The following NCF4 variants were observed in gnomAD, a reference collection of about 807,000 sequenced individuals.
NCF4 encodes neutrophil cytosolic factor 4.
NCF4 carries 30 observed loss-of-function variants against 41.7 expected under a neutral mutation model. The ratio of observed to expected loss-of-function variants is 0.72; its 90% CI spans 0.54 to 0.97. The LOEUF is 0.97. NCF4 is among the 50% of genes least tolerant of loss of function. The pLI is 0.00. For missense variants in NCF4, 432 were observed against 460.9 expected, an observed-to-expected ratio of 0.94 and a Z score of 0.57; for synonymous variants, 195 against 175.8, an observed-to-expected ratio of 1.11 and a Z score of -0.87.
intron 6 of NCF4, 35 bp from the exon 7 acceptor site, chr22:36,872,292 C>G: frequency 6.2e-6 from 9 of 1,453,842 alleles, no homozygotes; most frequent in South Asian, 1.1e-5. Flanking sequence ...AGTGAGTGTT[C>G]TCTCCTTCCC....
chr22:36,877,710 G>T lies in NCF4; in HGVS notation c.907G>T (p.Val303Leu), dbSNP rs201552121. 3 of 1,614,138 alleles carry T rather than the reference G, an allele frequency of 1.9e-6. No individual in the cohort carries two copies. The highest frequency in any genetic ancestry group is 2.5e-6 in the Non-Finnish European group (3 of 1,180,024). The change falls in exon 10 of 10, where the codon GTA becomes TTA. Residue 303 changes from valine (V) to leucine (L), a missense_variant. By Grantham distance (32) the Val-to-Leu change is conservative. Coordinates refer to ENST00000248899, the MANE Select transcript of NCF4 (RefSeq NM_000631.5). ...DLVRLLSDED[V>L]ALMVRQARGL... is the part of the protein sequence containing the mutation. The stretch of plus-strand genomic sequence containing the variant: ...GGTTCGGCTGCTGTCGGATGAGGAC[G>T]TAGCGCTCATGGTGCGGCAGGCTCG...
chr22:36,873,375 G>T (rs1275390498), intron 7 of NCF4, among the ~76,000 whole-genome samples: 1 of 151,642 alleles, frequency 6.6e-6, no homozygotes, highest in Non-Finnish European at 1.5e-5. Context: ...TTGGAGGTGA[G>T]GATGGAGGTG....
At chr22:36,861,792 T>C (rs1316724644) in intron 1 of NCF4, among the ~76,000 whole-genome samples, 1 of 152,236 alleles carries the variant, frequency 6.6e-6, no homozygotes, top group East Asian at 1.9e-4. Context: ...GTGTCCGTTT[T>C]GATCGCTGCT....
In NCF4 at chr22:36,865,718, G is replaced by A. The variant is rs938535975; in HGVS notation, c.271+646G>A. On this transcript the variant is annotated intron_variant, in intron 3 of 9. Transcript: ENST00000248899. The surrounding 1 kb of genome is among the most constrained non-coding windows in gnomAD (Gnocchi z 4.3). ...GTTACACGGGGGTGGTCTCAGCGGC[G>A]CCCTTCGTGCCCTGCAAGTTAGAGA... Among the ~76,000 whole-genome samples, 3 of 152,126 alleles carry A rather than the reference G, an allele frequency of 2.0e-5. No homozygotes were observed. Among genetic ancestry groups the A allele is most frequent in the Non-Finnish European group, 1.5e-5 (1 of 68,024 alleles).
intron 9 of NCF4, among the ~76,000 whole-genome samples, chr22:36,876,500 A>G (rs1341169428): frequency 6.6e-6 from 1 of 152,214 alleles, no homozygotes; most frequent in African/African-American, 2.4e-5. Context: ...AACTCATTAT[A>G]TATTAAAAAA....
chr22:36,870,074 G>A (rs778256539), intron 4 of NCF4: 44 of 377,224 alleles, frequency 1.2e-4, no homozygotes, highest in Non-Finnish European at 1.8e-4. Context: ...TGGAGCAAGG[G>A]CGCGCATGTG....
In NCF4 at chr22:36,877,539, GCTTCAGGACATAAAA is replaced by G. The variant is rs1316547005; in HGVS notation, c.825-87_825-73del. 3 of 1,374,100 alleles carry G rather than the reference GCTTCAGGACATAAAA, an allele frequency of 2.2e-6. No homozygotes were observed. In the East Asian group the frequency reaches 6.9e-5, roughly 31 times the overall value. 85.1% of individuals were successfully genotyped at this position (1,374,100 alleles called of 1,614,324 possible). The stretch of plus-strand genomic sequence containing the variant: ...AGGCTCTGACTTTTTCTTACTCCTG[GCTTCAGGACATAAAA>G]CCCTTTTCACCCCCTCTCCCTACCC... On this transcript the variant is annotated intron_variant, in intron 9 of 9. Transcript: ENST00000248899.
rs1447995490 is a variant in NCF4, at chr22:36,864,046, G to A, written c.34G>A (p.Asp12Asn). The stretch of plus-strand genomic sequence containing the variant: ...TCTCTTTTCCCCTCCTTCGCACAGT[G>A]ACTTTGAACAGCTTCCGGATGATGT... ...AVAQQLRAES[D>N]FEQLPDDVAI... is the part of the protein sequence containing the mutation. The change falls in exon 2 of 10, where the codon GAC becomes AAC. Residue 12 changes from aspartate (D) to asparagine (N), a missense_variant and splice_region_variant. Coordinates refer to ENST00000248899, the MANE Select transcript of NCF4 (RefSeq NM_000631.5). The A allele has an allele frequency of 6.2e-7, 1 of 1,613,936 alleles. No individual in the cohort carries two copies. Among genetic ancestry groups the A allele is most frequent in the East Asian group, 2.2e-5 (1 of 44,898 alleles).
chr22:36,863,763 T>G (rs927758309), intron 1 of NCF4, among the ~76,000 whole-genome samples: 3 of 151,478 alleles, frequency 2.0e-5, no homozygotes, highest in Non-Finnish European at 4.4e-5. Flanking sequence ...TATTGCTATA[T>G]GGTCACCAGC....
At position 36,865,039 on chromosome 22, in the gene NCF4, A is replaced by G. The variant is rs373447489; in HGVS notation, c.238A>G (p.Ser80Gly). The G allele has an allele frequency of 1.7e-5, 28 of 1,613,160 alleles. No individual in the cohort carries two copies. The African/African-American group carries it at 3.2e-4, about 18-fold the overall frequency. The part of the protein sequence containing the change: ...EERFGPDSKS[S>G]ALACTLPTLP... ...GCGCTTCGGGCCAGACAGCAAGAGC[A>G]GTGCCCTGGCCTGTACCCTGCCCAC... Residue 80 changes from serine (S) to glycine (G), a missense_variant, in exon 3 of 10, where the codon AGT (serine) becomes GGT (glycine). Transcript: ENST00000248899. This position sits in a 1 kb window ranked among gnomAD's most constrained non-coding sequence, Gnocchi z 4.3.
At chr22:36,876,289 G>A (rs1940192953) in intron 9 of NCF4, among the ~76,000 whole-genome samples, 195 bp downstream of exon 9, 1 of 152,198 alleles carries the variant, frequency 6.6e-6, no homozygotes, top group African/African-American at 2.4e-5. Context: ...AGAGAGGTTA[G>A]GGGAACTGGT....
At chr22:36,866,419 C>T (rs1939927772) in intron 3 of NCF4, among the ~76,000 whole-genome samples, 1 of 152,166 alleles carries the variant, frequency 6.6e-6, no homozygotes, top group Non-Finnish European at 1.5e-5. Flanking sequence ...TTACTAGAGA[C>T]TCCTTCAGCT....
At chr22:36,862,055 G>C (rs1175490906) in intron 1 of NCF4, among the ~76,000 whole-genome samples, 1 of 152,206 alleles carries the variant, frequency 6.6e-6, no homozygotes, top group Admixed American at 6.5e-5. Flanking sequence ...CCAGCATCTA[G>C]CCTCGTCGCT....
intron 1 of NCF4, 70 bp from the exon 2 acceptor site, chr22:36,863,975 C>A: frequency 2.1e-6 from 3 of 1,433,148 alleles, no homozygotes; most frequent in Non-Finnish European, 3.0e-6. Flanking sequence ...TGCACTCTAC[C>A]TCATACCCGG....
chr22:36,874,004 T>C (rs1302108921), intron 7 of NCF4, among the ~76,000 whole-genome samples: 1 of 152,234 alleles, frequency 6.6e-6, no homozygotes, highest in East Asian at 1.9e-4. Flanking sequence ...CTTTGGAAAC[T>C]TGCTCAAACT....
intron 4 of NCF4, 86 bp downstream of exon 4, chr22:36,867,548 T>A: frequency 7.0e-7 from 1 of 1,435,150 alleles, no homozygotes; most frequent in South Asian, 1.2e-5. Flanking sequence ...GGTATGGCTT[T>A]GGGAACTGGG....
chr22:36,864,287 C>T (rs1411130202), intron 2 of NCF4, among the ~76,000 whole-genome samples, 158 bp downstream of exon 2: 1 of 152,178 alleles, frequency 6.6e-6, no homozygotes, highest in East Asian at 1.9e-4. Context: ...TTTGACATTA[C>T]CCTGGGAGAT....
In NCF4 at chr22:36,875,768, C is replaced by A. The variant is rs548576102; in HGVS notation, c.743C>A (p.Thr248Asn). Residue 248 changes from threonine (T) to asparagine (N), a missense_variant, in exon 8 of 10, where the codon ACC (threonine) becomes AAC (asparagine). Physicochemically the swap from Thr to Asn is moderately conservative, Grantham distance 65. Transcript: ENST00000248899. ...CTGCGTTGCTACTACTACGAAGACA[C>A]CATCAGCACCATCAAGTCTGTGGCC... ...NWLRCYYYED[T>N]ISTIKDIAVE... 1 of 1,614,142 alleles carries A rather than the reference C, an allele frequency of 6.2e-7. No homozygotes were observed. The highest frequency in any genetic ancestry group is 2.2e-5 in the East Asian group (1 of 44,882).
intron 7 of NCF4, among the ~76,000 whole-genome samples, chr22:36,875,090 C>T (rs572834629): frequency 1.3e-5 from 2 of 152,210 alleles, no homozygotes; most frequent in East Asian, 3.9e-4. Flanking sequence ...AGTGCAATGG[C>T]GTGATCTCGG....
Sources: allele counts gnomAD v4.1 joint callset (sites outside exome capture counted in the v4.1 genomes callset), GRCh38; gene constraint gnomAD v4.1.1; non-coding constraint Gnocchi (gnomAD v3.1); transcripts MANE v1.5; gene names NCBI Gene and HGNC (gene_info 2026-07-23, HGNC 2026-07-21).